Variants in CD99L2 observed in about 807,000 individuals in gnomAD.
CD99L2 encodes CD99 molecule like 2, also known as CD99 antigen-like protein 2.
Under a neutral mutation model 27.3 loss-of-function variants are expected in CD99L2, and 24 were observed. That is an observed-to-expected ratio of 0.88 (90% CI 0.64 to 1.24). The LOEUF (loss-of-function observed/expected upper bound fraction) is 1.24, where lower values mean the gene tolerates loss of function less well. Ranked by LOEUF, CD99L2 falls within the 50% of genes most tolerant of loss-of-function variation. The pLI is 0.00. For missense variants in CD99L2, 255 were observed against 221.6 expected (o/e 1.15, Z -0.96); for synonymous variants, 97 against 87.9 (o/e 1.10, Z -0.58).
At chrX:150,885,641 T>C (rs1557422613) in intron 1 of CD99L2, among the ~76,000 whole-genome samples, 4 of 112,546 alleles carry the variant, frequency 3.6e-5, no homozygotes, top group Non-Finnish European at 3.7e-5. Flanking sequence ...ATTACTCTTG[T>C]AATTGTGTAC....
At chrX:150,824,707 G>GGAAGAGGAAGAAGAAGAA (rs782774913) in intron 2 of CD99L2, among the ~76,000 whole-genome samples, 34 of 93,662 alleles carry the variant, frequency 3.6e-4, no homozygotes, top group South Asian at 2.9e-3. Context: ...AAGAGGAAGA[G>GGAAGAGGAAGAAGAAGAA]GAAGAAGAAG....
chrX:150,866,376 T>G (rs2047061179), intron 1 of CD99L2, among the ~76,000 whole-genome samples: 1 of 111,565 alleles, frequency 9.0e-6, no homozygotes. Context: ...TTATTGATTG[T>G]GATAAATGTA....
intron 2 of CD99L2, chrX:150,818,766 T>C (rs1805660897): frequency 3.6e-6 from 1 of 276,206 alleles, no homozygotes; most frequent in Non-Finnish European, 7.1e-6. Context: ...CAGTCCACTG[T>C]GTTCTTTGAC....
At chrX:150,852,641 A>C (rs1454490066) in intron 1 of CD99L2, among the ~76,000 whole-genome samples, 1 of 110,588 alleles carries the variant, frequency 9.0e-6, no homozygotes, top group African/African-American at 3.3e-5. Context: ...GCCCCCAGCA[A>C]CCACTAATCT....
chrX:150,851,148 T>G (rs2046786364), intron 1 of CD99L2, among the ~76,000 whole-genome samples: 1 of 111,889 alleles, frequency 8.9e-6, no homozygotes, highest in Admixed American at 9.5e-5. Flanking sequence ...CTACCATGAG[T>G]ATTTTCTAAC....
intron 2 of CD99L2, chrX:150,829,417 A>G (rs1557421003): frequency 3.0e-6 from 1 of 330,697 alleles, no homozygotes; most frequent in Non-Finnish European, 5.9e-6. Flanking sequence ...GAGTGATGCA[A>G]CCACAAACCA....
intron 1 of CD99L2, among the ~76,000 whole-genome samples, chrX:150,864,518 G>A (rs1301722650): frequency 1.8e-5 from 2 of 112,324 alleles, no homozygotes; most frequent in Admixed American, 1.9e-4. Flanking sequence ...GCAGCACTTG[G>A]GGTGTGCCCC....
At chrX:150,769,664 CTAGT>C in intron 10 of CD99L2, among the ~76,000 whole-genome samples, 1 of 107,758 alleles carries the variant, frequency 9.3e-6, no homozygotes, top group East Asian at 2.9e-4. Context: ...CTGAGCTGTC[CTAGT>C]CTCCCTGCCT....
intron 9 of CD99L2, among the ~76,000 whole-genome samples, chrX:150,771,009 C>A (rs1034435916): frequency 8.9e-6 from 1 of 112,500 alleles, no homozygotes; most frequent in Non-Finnish European, 1.9e-5. Flanking sequence ...GATTCGGGGA[C>A]TGTACCAAGC....
chrX:150,813,035 G>A (rs1458580999), intron 4 of CD99L2, among the ~76,000 whole-genome samples: 2 of 111,053 alleles, frequency 1.8e-5, no homozygotes, highest in African/African-American at 6.6e-5. Context: ...TTTTACAAAT[G>A]GAAAACAGAT....
rs192912316 is a variant in CD99L2 at position 150,837,398 on chromosome X, C to T, written c.68-6105G>A. On this transcript the variant is annotated intron_variant, in intron 1 of 10. Transcript: ENST00000370377. ...CTGAGTAGCTGGGATTACAGGCACC[C>T]GCCACCACACTTGGCTAATTTTTGT... 7.4e-3 allele frequency among the ~76,000 whole-genome samples: 816 copies of T among 110,841 alleles called. 5 individuals are homozygous for T. Among genetic ancestry groups the T allele is most frequent in the Non-Finnish European group, 0.013 (663 of 52,842 alleles).
rs1320362148 is a variant in CD99L2 at position 150,802,857 on chromosome X, A to G, written c.278-7371T>C. Reference sequence around the variant, plus strand: ...TGGCCTCCCAAAGTGCTGGGATTACAGGCGGGAGCCACCGTGCCCAGCCTT... The same window carrying G: ...TGGCCTCCCAAAGTGCTGGGATTACGGGCGGGAGCCACCGTGCCCAGCCTT... On this transcript the variant is annotated intron_variant, in intron 4 of 10. Coordinates refer to ENST00000370377, the MANE Select transcript of CD99L2 (RefSeq NM_031462.4). Among the ~76,000 whole-genome samples, 90 of 70,618 alleles carry G rather than the reference A, an allele frequency of 1.3e-3. No homozygotes were observed. In the Middle Eastern group the frequency reaches 0.056, roughly 44 times the overall value. 61.3% of individuals were successfully genotyped at this position (70,618 alleles called of 115,157 possible). A position where few individuals can be genotyped will look rare whatever the true frequency, so the allele number is the denominator to read the frequency against.
chrX:150,805,908 G>A (rs1603295371), intron 4 of CD99L2, among the ~76,000 whole-genome samples: 1 of 111,533 alleles, frequency 9.0e-6, no homozygotes, highest in East Asian at 2.8e-4. Context: ...AAGAGGGAGT[G>A]TCTGTGTTTA....
At position 150,814,895 on chromosome X, in the gene CD99L2, C is replaced by G. The variant is rs782046038; in HGVS notation, c.244G>C (p.Asp82His). 4.6e-5 allele frequency: 56 copies of G among 1,209,567 alleles called. No homozygotes were observed. Among genetic ancestry groups the G allele is most frequent in the Non-Finnish European group, 5.9e-5 (53 of 894,970 alleles). ...CCTATACCCGGTTTCCTGCGGCCAT[C>G]ATCTTGATCATCCAAAGCATCAGCC... ...DLADALDDQDDGRRKPGIGGR... is the reference protein window; with the variant it reads ...DLADALDDQDHGRRKPGIGGR... Residue 82 changes from aspartate to histidine, a missense_variant, in exon 4 of 11, where the codon GAT becomes CAT. Physicochemically the swap from Asp to His is moderately conservative, Grantham distance 81. Coordinates refer to ENST00000370377, the MANE Select transcript of CD99L2 (RefSeq NM_031462.4).
intron 7 of CD99L2, among the ~76,000 whole-genome samples, chrX:150,786,782 G>A (rs2045601137): frequency 8.9e-6 from 1 of 112,080 alleles, no homozygotes. Context: ...AGTTCTTTGA[G>A]AAATCACCAA....
chrX:150,877,895 T>C (rs188921249), intron 1 of CD99L2, among the ~76,000 whole-genome samples: 93 of 108,401 alleles, frequency 8.6e-4, no homozygotes, highest in Middle Eastern at 9.5e-3. Flanking sequence ...TTAGGTAAAG[T>C]GGCTAACGAA....
At chrX:150,889,798 C>CTGGT (rs1378561208) in intron 1 of CD99L2, among the ~76,000 whole-genome samples, 1 of 112,671 alleles carries the variant, frequency 8.9e-6, no homozygotes, top group Non-Finnish European at 1.9e-5. Context: ...AAGCTCAAAA[C>CTGGT]TGGTTGAAGT....
intron 7 of CD99L2, among the ~76,000 whole-genome samples, chrX:150,777,794 G>A (rs909688186): frequency 1.9e-4 from 21 of 111,989 alleles, no homozygotes; most frequent in African/African-American, 6.8e-4. Context: ...TACCAGTGGT[G>A]CAGCTGCACT....
At chrX:150,774,183 C>T (rs2043510407) in intron 9 of CD99L2, among the ~76,000 whole-genome samples, 1 of 111,999 alleles carries the variant, frequency 8.9e-6, no homozygotes, top group Non-Finnish European at 1.9e-5. Flanking sequence ...CTAGTTTAGT[C>T]AGTCATACAG....
Sources: gnomAD v4.1 joint callset for allele counts (sites outside exome capture counted in the v4.1 genomes callset) on GRCh38, gnomAD v4.1.1 for gene constraint, MANE v1.5 for transcripts, NCBI Gene and HGNC (gene_info 2026-07-23, HGNC 2026-07-21) for gene names.